The following DTNB variants were observed in gnomAD, a reference collection of about 807,000 sequenced individuals.
The protein encoded by DTNB is dystrobrevin beta.
In DTNB, 63 loss-of-function variants were observed where a neutral mutation model predicts 90.7. The ratio of observed to expected loss-of-function variants is 0.69; its 90% CI spans 0.57 to 0.86. The LOEUF (loss-of-function observed/expected upper bound fraction) is 0.86, where lower values mean the gene tolerates loss of function less well. Among genes scored for constraint, DTNB ranks in the 40% least tolerant of loss-of-function variants. DTNB has a pLI of 0.00. For synonymous variants in DTNB, 277 were observed against 286.7 expected, an observed-to-expected ratio of 0.97 and a Z score of 0.34; for missense variants, 744 against 807.1, an observed-to-expected ratio of 0.92 and a Z score of 0.95.
chr2:25,581,361 A>G (rs1295260814), intron 6 of DTNB, among the ~76,000 whole-genome samples: 1 of 152,158 alleles, frequency 6.6e-6, no homozygotes, highest in Non-Finnish European at 1.5e-5. Flanking sequence ...GACATCATTT[A>G]ACAACTTTCT....
intron 2 of DTNB, among the ~76,000 whole-genome samples, chr2:25,645,040 A>T (rs1338713723): frequency 1.3e-5 from 2 of 152,334 alleles, no homozygotes; most frequent in East Asian, 3.9e-4. Context: ...ATTTAGACTT[A>T]AATTTATCTG....
At chr2:25,491,157 A>ACACACACAC (rs60050373) in intron 9 of DTNB, among the ~76,000 whole-genome samples, 2 of 147,942 alleles carry the variant, frequency 1.4e-5, no homozygotes, top group African/African-American at 5.0e-5. Context: ...ACACACACAC[A>ACACACACAC]GACACACACA....
rs767559302 is a variant in DTNB, at chr2:25,424,445, G to C, written c.1554+3090C>G. On this transcript the variant is annotated intron_variant, in intron 15 of 20. Transcript: ENST00000406818. The surrounding 1 kb of genome is among the most constrained non-coding windows in gnomAD (Gnocchi z 4.1). ...GCCACAGTGGCATGCATGGGGCTTG[G>C]GGTCAGTAGTTCTGGGGATCACTAA... 6.6e-6 allele frequency among the ~76,000 whole-genome samples: 1 copy of C among 152,078 alleles called. No homozygotes were observed. Among genetic ancestry groups the C allele is most frequent in the Non-Finnish European group, 1.5e-5 (1 of 68,010 alleles).
chr2:25,588,779 C>T (rs2062946625), intron 6 of DTNB, among the ~76,000 whole-genome samples: 1 of 152,130 alleles, frequency 6.6e-6, no homozygotes. Context: ...AATGACAGCC[C>T]ATCATAACCA....
chr2:25,423,229 T>C (rs2050384951), intron 15 of DTNB, among the ~76,000 whole-genome samples: 1 of 151,952 alleles, frequency 6.6e-6, no homozygotes, highest in Admixed American at 6.6e-5. Flanking sequence ...AGAAGGAGGG[T>C]CCTTGATACT....
chr2:25,524,784 C>T (rs886596451), intron 9 of DTNB, among the ~76,000 whole-genome samples: 3 of 152,160 alleles, frequency 2.0e-5, no homozygotes, highest in Admixed American at 2.0e-4. Flanking sequence ...AACCACTGCC[C>T]AGGTTGGCTG....
chr2:25,558,075 C>T, intron 8 of DTNB: 1 of 418,926 alleles, frequency 2.4e-6, no homozygotes, highest in Non-Finnish European at 3.2e-6. Context: ...CAAGAGAATG[C>T]CGGGGAGCAC....
At chr2:25,619,683 C>G (rs984958253) in intron 4 of DTNB, among the ~76,000 whole-genome samples, 1 of 152,052 alleles carries the variant, frequency 6.6e-6, no homozygotes, top group African/African-American at 2.4e-5. Flanking sequence ...TAAACAAGAA[C>G]TGTAAGTCAT....
At chr2:25,589,779 C>T (rs956142203) in intron 6 of DTNB, among the ~76,000 whole-genome samples, 3 of 152,208 alleles carry the variant, frequency 2.0e-5, no homozygotes, top group Admixed American at 6.5e-5. Context: ...TGGGGTGATG[C>T]TTTTCCTTTG....
intron 7 of DTNB, among the ~76,000 whole-genome samples, chr2:25,580,351 T>C (rs1225867067): frequency 1.3e-5 from 2 of 151,800 alleles, no homozygotes; most frequent in African/African-American, 4.8e-5. Context: ...TGAAACCCCA[T>C]CTCTACTAAA....
chr2:25,490,203 G>C, intron 9 of DTNB, among the ~76,000 whole-genome samples: 1 of 152,010 alleles, frequency 6.6e-6, no homozygotes, highest in Non-Finnish European at 1.5e-5. Flanking sequence ...TTGAGCCTAG[G>C]AGTTAAAGGT....
At chr2:25,621,837 T>C (rs1439544456) in intron 4 of DTNB, among the ~76,000 whole-genome samples, 1 of 152,088 alleles carries the variant, frequency 6.6e-6, no homozygotes, top group African/African-American at 2.4e-5. Context: ...TTATAAATTA[T>C]ATAAGTATCT....
intron 8 of DTNB, among the ~76,000 whole-genome samples, chr2:25,563,836 G>C (rs1482272269): frequency 1.1e-4 from 16 of 152,166 alleles, no homozygotes; most frequent in Admixed American, 1.0e-3. Context: ...CTATTGCTTT[G>C]AAGTAAGTCT....
intron 6 of DTNB, among the ~76,000 whole-genome samples, chr2:25,583,768 C>G (rs1308197222): frequency 6.6e-6 from 1 of 152,108 alleles, no homozygotes; most frequent in Admixed American, 6.6e-5. Context: ...ATCCACCCAC[C>G]TCAGCCTCCC....
chr2:25,559,635 C>A (rs563773843), intron 8 of DTNB, among the ~76,000 whole-genome samples: 1 of 152,294 alleles, frequency 6.6e-6, no homozygotes, highest in African/African-American at 2.4e-5. Flanking sequence ...GACGGCCCCC[C>A]AAAAGATATG....
At chr2:25,416,355 A>G (rs1167109233) in intron 16 of DTNB, among the ~76,000 whole-genome samples, 2 of 152,232 alleles carry the variant, frequency 1.3e-5, no homozygotes, top group South Asian at 2.1e-4. Context: ...CTTCATTTTA[A>G]AAGTGTTTTA....
At chr2:25,660,837 G>A (rs1398685569) in intron 1 of DTNB, among the ~76,000 whole-genome samples, 1 of 152,118 alleles carries the variant, frequency 6.6e-6, no homozygotes, top group Non-Finnish European at 1.5e-5. Flanking sequence ...ACAAGGTCAA[G>A]AGTTTATCTT....
intron 4 of DTNB, among the ~76,000 whole-genome samples, chr2:25,616,134 C>T (rs562326243): frequency 6.6e-6 from 1 of 152,158 alleles, no homozygotes; most frequent in Admixed American, 6.5e-5. Context: ...CTATTCCTTG[C>T]TGCAGAAAAG....
chr2:25,590,821 T>G (rs2063422081), intron 6 of DTNB, among the ~76,000 whole-genome samples: 2 of 152,296 alleles, frequency 1.3e-5, no homozygotes, highest in Middle Eastern at 6.8e-3. Context: ...CTTCAGGCCC[T>G]CCCTGTCTTG....
Sources: gnomAD v4.1 joint callset for allele counts (sites outside exome capture counted in the v4.1 genomes callset) on GRCh38, gnomAD v4.1.1 for gene constraint, Gnocchi (gnomAD v3.1) non-coding constraint, MANE v1.5 for transcripts, NCBI Gene and HGNC (gene_info 2026-07-23, HGNC 2026-07-21) for gene names.